SIRT4: variants seen among roughly 807,000 people sequenced by gnomAD.
SIRT4 encodes sirtuin 4.
SIRT4 carries 23 observed loss-of-function variants against 26.1 expected under a neutral mutation model. The ratio of observed to expected loss-of-function variants is 0.88; its 90% CI spans 0.63 to 1.25. SIRT4 has a LOEUF of 1.25. SIRT4 is among the 50% of genes most tolerant of loss of function. The probability of loss-of-function intolerance (pLI) is 0.00; values close to 1 mark genes in which losing one functional copy is unlikely to be tolerated. For synonymous variants in SIRT4, 155 were observed against 158.4 expected (o/e 0.98, Z 0.16); for missense variants, 361 against 405.4 (o/e 0.89, Z 0.94).
At chr12:120,298,132 G>A (rs1207981091), upstream of SIRT4, among the ~76,000 whole-genome samples, 1 of 144,246 alleles carries the variant, frequency 6.9e-6, no homozygotes, top group Non-Finnish European at 1.5e-5. Context: ...GGAGGCGGAG[G>A]TTGCGGTGAG....
At chr12:120,305,737 G>A (rs1417213685) in intron 2 of SIRT4, among the ~76,000 whole-genome samples, 1 of 152,236 alleles carries the variant, frequency 6.6e-6, no homozygotes, top group Non-Finnish European at 1.5e-5. Context: ...TGTAGGCTGG[G>A]CGCGGCGGCT....
At chr12:120,307,858 CA>C (rs1438376172) in intron 2 of SIRT4, among the ~76,000 whole-genome samples, 1 of 151,994 alleles carries the variant, frequency 6.6e-6, no homozygotes, top group African/African-American at 2.4e-5. Context: ...AACTCCTTCT[CA>C]AAAAACAACC....
At chr12:120,298,391 G>C (rs1165134638), upstream of SIRT4, among the ~76,000 whole-genome samples, 3 of 151,792 alleles carry the variant, frequency 2.0e-5, no homozygotes, top group Admixed American at 2.0e-4. Flanking sequence ...CCAGGAGTTC[G>C]AGACCAGCCT....
At chr12:120,297,853 G>C (rs1872388349), upstream of SIRT4, among the ~76,000 whole-genome samples, 1 of 152,138 alleles carries the variant, frequency 6.6e-6, no homozygotes. Context: ...GAAAATGTGT[G>C]CAGAAAATGT....
intron 2 of SIRT4, among the ~76,000 whole-genome samples, chr12:120,310,703 T>G (rs1023631665): frequency 6.7e-6 from 1 of 150,298 alleles, no homozygotes; most frequent in Non-Finnish European, 1.5e-5. Context: ...GCCACTGCAC[T>G]CCAGGTAAGA....
intron 2 of SIRT4, among the ~76,000 whole-genome samples, chr12:120,305,390 A>G (rs1021337713): frequency 1.3e-5 from 2 of 151,908 alleles, no homozygotes; most frequent in Admixed American, 6.6e-5. Context: ...AGCTGGGACT[A>G]CAGGCAAACG....
chr12:120,293,000 T>A, the SIRT4 span: 1 of 152,120 alleles, frequency 6.6e-6, no homozygotes, highest in Non-Finnish European at 1.5e-5. Flanking sequence ...ATCTCTCATT[T>A]AGAGAGTTTG....
chr12:120,303,542 G>C lies in SIRT4; in HGVS notation c.-1-19G>C. On this transcript the variant is annotated intron_variant, in intron 1 of 3. Coordinates refer to ENST00000202967, the MANE Select transcript of SIRT4 (RefSeq NM_012240.3). ...AAAAAACCACCCCAGTTTCTCACAT[G>C]AGGCTTCTTTTTCTCTAGAATGAAG... The C allele has an allele frequency of 6.4e-7, 1 of 1,559,806 alleles. No homozygotes were observed.
upstream of SIRT4, among the ~76,000 whole-genome samples, chr12:120,300,096 G>A (rs1369142500): frequency 6.6e-6 from 1 of 152,042 alleles, no homozygotes; most frequent in African/African-American, 2.4e-5. Flanking sequence ...ACCAGCCTGA[G>A]CAACATAGTG....
upstream of SIRT4, among the ~76,000 whole-genome samples, chr12:120,300,082 T>C (rs148311379): frequency 1.2e-3 from 175 of 152,074 alleles, 1 homozygote; most frequent in African/African-American, 3.9e-3. Flanking sequence ...TTCAGGAGTT[T>C]GAGACCAGCC....
chr12:120,293,012 G>C, the SIRT4 span: 1 of 151,966 alleles, frequency 6.6e-6, no homozygotes, highest in South Asian at 2.1e-4. Flanking sequence ...GAGAGTTTGC[G>C]AACAAGTACT....
At chr12:120,304,848 T>A (rs1872692710) in intron 2 of SIRT4, among the ~76,000 whole-genome samples, 2 of 126,650 alleles carry the variant, frequency 1.6e-5, no homozygotes, top group African/African-American at 5.7e-5. Context: ...TTTTTTTTTT[T>A]TTTTTTTTTT....
rs1872625498 is a variant in SIRT4 at position 120,303,626 on chromosome 12, A to G, written c.65A>G (p.Gln22Arg). Residue 22 changes from glutamine to arginine, a missense_variant, in exon 2 of 4, where the codon CAG becomes CGG. Coordinates refer to ENST00000202967, the MANE Select transcript of SIRT4 (RefSeq NM_012240.3). ...AKGRWIANPS[Q>R]PCSKASIGLF... ...GGCCGTTGGATCGCAAACCCCAGCC[A>G]GCCGTGCTCGAAAGCCTCCATTGGG... 6.2e-7 allele frequency: 1 copy of G among 1,613,986 alleles called. No homozygotes were observed. Among genetic ancestry groups the G allele is most frequent in the African/African-American group, 1.3e-5 (1 of 74,916 alleles).
chr12:120,299,367 C>A (rs986617611), upstream of SIRT4, among the ~76,000 whole-genome samples: 4 of 150,256 alleles, frequency 2.7e-5, no homozygotes, highest in Non-Finnish European at 4.4e-5. Flanking sequence ...GCCTGGCCAA[C>A]ATGACGAAAC....
At chr12:120,309,876 C>T (rs967356572) in intron 2 of SIRT4, among the ~76,000 whole-genome samples, 15 of 151,666 alleles carry the variant, frequency 9.9e-5, no homozygotes, top group South Asian at 2.1e-4. Flanking sequence ...CCACCACACC[C>T]GGCTAATTTT....
In SIRT4 at chr12:120,306,011, C is replaced by CA. The variant is rs1297577997; in HGVS notation, c.497+1969dup. 4.3e-3 allele frequency among the ~76,000 whole-genome samples: 315 copies of CA among 73,548 alleles called. 3 individuals carry two copies. The highest frequency in any genetic ancestry group is 0.031 in the East Asian group (84 of 2,692). 48.3% of individuals were successfully genotyped at this position (73,548 alleles called of 152,430 possible). On this transcript the variant is annotated intron_variant, in intron 2 of 3. Transcript: ENST00000202967. Reference sequence around the variant, plus strand: ...TGGGTGACAGAGCGAGACTCCGTCTCAAAAAAAAAAAAAAAAGAAAGAAAG... The same window carrying CA: ...TGGGTGACAGAGCGAGACTCCGTCTCAAAAAAAAAAAAAAAAAGAAAGAAAG...
chr12:120,308,165 C>CTTT (rs10707396), intron 2 of SIRT4, among the ~76,000 whole-genome samples: 18 of 84,960 alleles, frequency 2.1e-4, no homozygotes, highest in African/African-American at 6.4e-4. Context: ...CCCAAGAAAG[C>CTTT]TTTTTTTTTT....
chr12:120,309,240 T>C (rs1872861787), intron 2 of SIRT4, among the ~76,000 whole-genome samples: 1 of 152,066 alleles, frequency 6.6e-6, no homozygotes, highest in Admixed American at 6.6e-5. Context: ...AATGAAAATT[T>C]CAAACTTCAC....
the SIRT4 span, among the ~76,000 whole-genome samples, chr12:120,294,976 G>C: frequency 7.8e-3 from 1,182 of 151,250 alleles, 12 homozygotes; most frequent in African/African-American, 0.027. Context: ...GATTACAGGT[G>C]CGTGCCACCA....
Sources: gnomAD v4.1 joint callset for allele counts (sites outside exome capture counted in the v4.1 genomes callset) on GRCh38, gnomAD v4.1.1 for gene constraint, MANE v1.5 for transcripts, NCBI Gene and HGNC (gene_info 2026-07-23, HGNC 2026-07-21) for gene names.